SLC9C1: variants seen among roughly 807,000 people sequenced by gnomAD.
SLC9C1 encodes solute carrier family 9 member C1, also known as sodium/hydrogen exchanger 10.
Under a neutral mutation model 140.9 loss-of-function variants are expected in SLC9C1, and 97 were observed. The ratio of observed to expected loss-of-function variants is 0.69; its 90% confidence interval spans 0.58 to 0.82. The LOEUF (loss-of-function observed/expected upper bound fraction) is 0.82, where lower values mean the gene tolerates loss of function less well. Ranked by LOEUF, SLC9C1 falls within the 40% of genes least tolerant of loss-of-function variation. The pLI is 0.00. For missense variants in SLC9C1, 1,340 were observed against 1,389.3 expected (o/e 0.96, Z 0.56); for synonymous variants, 440 against 442.6 (o/e 0.99, Z 0.07).
rs532849871 is a variant in SLC9C1 at position 112,293,016 on chromosome 3, C to T, written c.-88+1077G>A. ...GAGCACAGTGGCTCACGCCTGTAATCCCAGCACTTTGGGAGGCCTAGGCGG... is the reference window on the plus strand; with the variant it reads ...GAGCACAGTGGCTCACGCCTGTAATTCCAGCACTTTGGGAGGCCTAGGCGG... On this transcript the variant is annotated intron_variant, in intron 1 of 28. Transcript: ENST00000305815. Among the ~76,000 whole-genome samples, 26 of 151,136 alleles carry T rather than the reference C, an allele frequency of 1.7e-4. No individual in the cohort carries two copies. The South Asian group carries it at 3.6e-3, about 21-fold the overall frequency.
chr3:112,185,681 G>T, intron 20 of SLC9C1: 1 of 1,550,470 alleles, frequency 6.4e-7, no homozygotes, highest in East Asian at 2.4e-5. Context: ...TGCTCCGGAG[G>T]CGTGCACGCT....
intron 20 of SLC9C1, among the ~76,000 whole-genome samples, chr3:112,193,084 G>T (rs2077697211): frequency 6.6e-6 from 1 of 152,110 alleles, no homozygotes; most frequent in Admixed American, 6.5e-5. Context: ...CATGTAGTTT[G>T]TTCCAACTGG....
chr3:112,239,735 T>A (rs2079089873), intron 12 of SLC9C1, 105 bp downstream of exon 12: 1 of 1,134,914 alleles, frequency 8.8e-7, no homozygotes, highest in Non-Finnish European at 1.2e-6. Flanking sequence ...GACTTCTCTA[T>A]CAATTACAAA....
At chr3:112,238,472 C>G (rs1349604613) in intron 12 of SLC9C1, among the ~76,000 whole-genome samples, 1 of 152,216 alleles carries the variant, frequency 6.6e-6, no homozygotes, top group African/African-American at 2.4e-5. Flanking sequence ...TATTCATTCT[C>G]TGTCCAGCTT....
At chr3:112,144,367 C>T (rs868199066) in intron 28 of SLC9C1, among the ~76,000 whole-genome samples, 6 of 151,674 alleles carry the variant, frequency 4.0e-5, no homozygotes, top group South Asian at 2.1e-4. Context: ...TTAGTAGAGA[C>T]GGGGTTTCAC....
intron 20 of SLC9C1, among the ~76,000 whole-genome samples, chr3:112,189,444 A>G (rs1045151003): frequency 2.0e-5 from 3 of 152,230 alleles, no homozygotes; most frequent in Non-Finnish European, 2.9e-5. Flanking sequence ...AGCTTTCTAC[A>G]TATGGCCAGC....
intron 28 of SLC9C1, among the ~76,000 whole-genome samples, chr3:112,145,827 TC>T (rs1486364039): frequency 6.6e-6 from 1 of 152,078 alleles, no homozygotes; most frequent in Admixed American, 6.6e-5. Context: ...TGGGGGCAAG[TC>T]TTTCCTGTGT....
intron 13 of SLC9C1, among the ~76,000 whole-genome samples, chr3:112,230,766 A>G (rs12629465): frequency 0.29 from 44,758 of 152,054 alleles, 6,770 homozygotes; most frequent in East Asian, 0.35. Flanking sequence ...TGGCAAATAG[A>G]TCTTGATTAT....
At chr3:112,196,828 A>G (rs1034650862) in intron 20 of SLC9C1, among the ~76,000 whole-genome samples, 11 of 151,970 alleles carry the variant, frequency 7.2e-5, no homozygotes, top group African/African-American at 2.7e-4. Context: ...TTCTTTGAGC[A>G]TCTTTAAAAC....
intron 25 of SLC9C1, among the ~76,000 whole-genome samples, chr3:112,167,730 C>A (rs903571485): frequency 6.6e-6 from 1 of 152,032 alleles, no homozygotes; most frequent in Non-Finnish European, 1.5e-5. Context: ...TCAAAATATT[C>A]TTCCACCTTG....
chr3:112,271,737 C>T (rs902616745), intron 6 of SLC9C1, among the ~76,000 whole-genome samples: 1 of 152,084 alleles, frequency 6.6e-6, no homozygotes, highest in Non-Finnish European at 1.5e-5. Flanking sequence ...TAATGTAATA[C>T]ACACAGGAAA....
At chr3:112,263,576 T>C (rs1225593470) in intron 9 of SLC9C1, among the ~76,000 whole-genome samples, 1 of 151,906 alleles carries the variant, frequency 6.6e-6, no homozygotes, top group Non-Finnish European at 1.5e-5. Flanking sequence ...TATCTGATAA[T>C]TTGGGAAATA....
chr3:112,199,469 C>A lies in SLC9C1; in HGVS notation c.2375G>T (p.Gly792Val). The A allele has an allele frequency of 6.5e-7, 1 of 1,549,022 alleles. No individual in the cohort carries two copies. Residue 792 changes from glycine (G) to valine (V), a missense_variant and splice_region_variant, in exon 20 of 29, where the codon GGC becomes GTC. By Grantham distance (109) the Gly-to-Val change is moderately radical. Coordinates refer to ENST00000305815, the MANE Select transcript of SLC9C1 (RefSeq NM_183061.3). ...RNMEHAIKEL[G>V]YLEYDHPEIA... ...TTCTGGGTGATCATACTCTAAGTAG[C>A]CTAAAAAATAACAAAATATTTTTAG...
chr3:112,196,774 T>G (rs946435540), intron 20 of SLC9C1, among the ~76,000 whole-genome samples: 2 of 152,190 alleles, frequency 1.3e-5, no homozygotes, highest in African/African-American at 4.8e-5. Context: ...ATTTCCATTT[T>G]GTTCATGTAT....
intron 5 of SLC9C1, among the ~76,000 whole-genome samples, chr3:112,277,253 T>G (rs991583359): frequency 6.6e-6 from 1 of 152,146 alleles, no homozygotes; most frequent in Non-Finnish European, 1.5e-5. Context: ...TTTTTTGACT[T>G]TTTAGGCTTT....
intron 6 of SLC9C1, among the ~76,000 whole-genome samples, chr3:112,270,698 C>A (rs1430869009): frequency 6.6e-6 from 1 of 152,120 alleles, no homozygotes; most frequent in East Asian, 1.9e-4. Flanking sequence ...TGCCTGTAAT[C>A]CCGGCTACCT....
chr3:112,188,468 A>G (rs9851465), intron 20 of SLC9C1, among the ~76,000 whole-genome samples: 150,935 of 151,620 alleles, frequency 1, 75,131 homozygotes, highest in Middle Eastern at 1. Flanking sequence ...TCCCACCTAT[A>G]AGTGAGAACA....
intron 7 of SLC9C1, among the ~76,000 whole-genome samples, chr3:112,269,462 A>G (rs895510777): frequency 6.6e-6 from 1 of 152,178 alleles, no homozygotes; most frequent in African/African-American, 2.4e-5. Flanking sequence ...TGTTTGAACA[A>G]TGTTTGAAAT....
rs1379295423 is a variant in SLC9C1, at chr3:112,149,127, G to A, written c.3524+2730C>T. On this transcript the variant is annotated intron_variant, in intron 28 of 28. Transcript: ENST00000305815. The stretch of plus-strand genomic sequence containing the variant: ...GAGATCTGTGTGAGCGTGGAGCAGA[G>A]AAGGTCCCCCTGTACCAAAATCTCT... 5.3e-5 allele frequency among the ~76,000 whole-genome samples: 8 copies of A among 152,102 alleles called. No homozygotes were observed. The East Asian group carries it at 5.8e-4, about 11-fold the overall frequency.
Sources: allele counts gnomAD v4.1 joint callset (sites outside exome capture counted in the v4.1 genomes callset), GRCh38; gene constraint gnomAD v4.1.1; transcripts MANE v1.5; gene names NCBI Gene and HGNC (gene_info 2026-07-23, HGNC 2026-07-21).